AXIN1: variants seen among roughly 807,000 people sequenced by gnomAD.
AXIN1 encodes the protein axin 1.
Under a neutral mutation model 76.4 loss-of-function variants are expected in AXIN1, and 30 were observed. That is an observed-to-expected ratio of 0.39 (90% CI 0.29 to 0.53). AXIN1 has a LOEUF of 0.53. AXIN1 is among the 20% of genes least tolerant of loss of function. AXIN1 has a pLI of 0.66. For missense variants in AXIN1, 1,140 were observed against 1,198.8 expected, an observed-to-expected ratio of 0.95 and a Z score of 0.72; for synonymous variants, 545 against 501.4, an observed-to-expected ratio of 1.09 and a Z score of -1.16.
At chr16:305,541 G>A (rs116236276) in intron 4 of AXIN1, among the ~76,000 whole-genome samples, 4 of 151,474 alleles carry the variant, frequency 2.6e-5, no homozygotes, top group Admixed American at 2.6e-4. Flanking sequence ...TTTGTTTTTG[G>A]TTTTTTTTGT....
intron 4 of AXIN1, among the ~76,000 whole-genome samples, chr16:309,492 T>C (rs2053118151): frequency 6.6e-6 from 1 of 152,144 alleles, no homozygotes; most frequent in South Asian, 2.1e-4. Flanking sequence ...TGCCCGAGAC[T>C]GGGCAAAGGT....
At chr16:326,274 A>G (rs2053576762) in intron 2 of AXIN1, among the ~76,000 whole-genome samples, 1 of 148,848 alleles carries the variant, frequency 6.7e-6, no homozygotes, top group Non-Finnish European at 1.5e-5. Flanking sequence ...GAATCTCTTG[A>G]ACTGGGGAGG....
At chr16:330,964 C>A (rs1006117612) in intron 2 of AXIN1, among the ~76,000 whole-genome samples, 6 of 152,184 alleles carry the variant, frequency 3.9e-5, no homozygotes. Context: ...AGGGTCTTTA[C>A]AAAGGCCAGC....
chr16:299,565 G>A (rs1567267892), intron 5 of AXIN1, among the ~76,000 whole-genome samples: 1 of 152,090 alleles, frequency 6.6e-6, no homozygotes, highest in Non-Finnish European at 1.5e-5. Context: ...ATGTTGGCCA[G>A]GCTGGTCTCA....
At chr16:339,183 G>A (rs2053864203) in intron 2 of AXIN1, among the ~76,000 whole-genome samples, 1 of 118,552 alleles carries the variant, frequency 8.4e-6, no homozygotes, top group Non-Finnish European at 1.6e-5. Context: ...TTCAAAACCA[G>A]CCAGCCTGGT....
intron 1 of AXIN1, among the ~76,000 whole-genome samples, chr16:350,731 C>T (rs899900938): frequency 6.6e-6 from 1 of 152,184 alleles, no homozygotes; most frequent in East Asian, 1.9e-4. Context: ...GTCTGCTTAG[C>T]TTTTCTGAAA....
rs562185428 is a variant in AXIN1, at chr16:289,526, T to C, written c.2376A>G (p.Glu792=). ...TCACCAGGGTGCGGTAGGGGATGGG[T>C]TCCCCGCAGAAGTAGTACGCCACAA... ...SIVVAYYFCG[E]PIPYRTLVRG... Residue 792 remains glutamate (E), a synonymous_variant, in exon 10 of 11, where the codon GAA becomes GAG. Coordinates refer to ENST00000262320, the MANE Select transcript of AXIN1 (RefSeq NM_003502.4). The C allele has an allele frequency of 8.7e-5, 140 of 1,612,506 alleles. No homozygotes were observed. The highest frequency in any genetic ancestry group is 1.1e-4 in the Non-Finnish European group (133 of 1,179,914).
intron 2 of AXIN1, among the ~76,000 whole-genome samples, chr16:337,852 G>GC (rs2053839133): frequency 6.6e-6 from 1 of 152,240 alleles, no homozygotes; most frequent in Non-Finnish European, 1.5e-5. Context: ...GCCTCTGGGG[G>GC]CCCCCTGGAC....
At chr16:290,854 G>A (rs993158239) in intron 9 of AXIN1, 10 of 430,130 alleles carry the variant, frequency 2.3e-5, no homozygotes, top group Non-Finnish European at 3.5e-5. Context: ...GGACCGGCCC[G>A]TTCCAAGCCG....
intron 2 of AXIN1, among the ~76,000 whole-genome samples, chr16:322,153 G>T (rs1014209533): frequency 2.4e-4 from 36 of 152,206 alleles, no homozygotes; most frequent in Non-Finnish European, 8.8e-5. Context: ...CCCAGGCAGC[G>T]CATGCCGCAG....
At chr16:311,838 G>A (rs1313842715) in intron 3 of AXIN1, among the ~76,000 whole-genome samples, 12 of 152,156 alleles carry the variant, frequency 7.9e-5, no homozygotes, top group African/African-American at 1.7e-4. Flanking sequence ...GATCCGTGCC[G>A]CACCCAGGGG....
At chr16:298,723 C>A (rs949167761) in intron 5 of AXIN1, among the ~76,000 whole-genome samples, 3 of 151,850 alleles carry the variant, frequency 2.0e-5, no homozygotes, top group Non-Finnish European at 4.4e-5. Flanking sequence ...ATTGGCCAGG[C>A]TGGTCTCGAA....
chr16:320,930 A>G (rs931387291), intron 2 of AXIN1, among the ~76,000 whole-genome samples: 51 of 151,776 alleles, frequency 3.4e-4, no homozygotes, highest in East Asian at 9.7e-4. Context: ...AGTAGAGACA[A>G]GGTTTCGCCG....
rs763992420 is a variant in AXIN1 at position 288,129 on chromosome 16, A to G, written c.2582T>C (p.Val861Ala). ...GGCCAGCCCACCAGCCTATCAGTCC[A>G]CCTTCTCCACTTTGCCGATGATCTT... is the stretch of plus-strand genomic sequence containing the variant. ...EEKIIGKVEK[V>A]D Residue 861 changes from valine to alanine, a missense_variant, in exon 11 of 11, where the codon GTG (valine) becomes GCG (alanine). Physicochemically the swap from Val to Ala is moderately conservative, Grantham distance 64 (BLOSUM62 0). Coordinates refer to ENST00000262320, the MANE Select transcript of AXIN1 (RefSeq NM_003502.4). 1.9e-6 allele frequency: 3 copies of G among 1,613,328 alleles called. No individual in the cohort carries two copies. Among genetic ancestry groups the G allele is most frequent in the Non-Finnish European group, 2.5e-6 (3 of 1,179,980 alleles).
intron 7 of AXIN1, among the ~76,000 whole-genome samples, chr16:295,748 G>T (rs1011567966): frequency 6.6e-6 from 1 of 151,514 alleles, no homozygotes; most frequent in Non-Finnish European, 1.5e-5. Flanking sequence ...GATCACCAAA[G>T]GTTGGGAGTT....
chr16:333,593 GA>G (rs1458784198), intron 2 of AXIN1, among the ~76,000 whole-genome samples: 1 of 151,988 alleles, frequency 6.6e-6, no homozygotes, highest in Non-Finnish European at 1.5e-5. Flanking sequence ...CTGGAGGGAA[GA>G]AAAAAAGCAC....
rs770473080 is a variant in AXIN1 at position 293,472 on chromosome 16, C to G, written c.2186+16G>C. 6.2e-7 allele frequency: 1 copy of G among 1,606,788 alleles called. No homozygotes were observed. Among genetic ancestry groups the G allele is most frequent in the Non-Finnish European group, 8.5e-7 (1 of 1,179,350 alleles). On this transcript the variant is annotated intron_variant, in intron 8 of 10. Transcript: ENST00000262320. This position sits in a 1 kb window ranked among gnomAD's most constrained non-coding sequence, Gnocchi z 4.6. ...GTAACCCCCAAGACCCACCCCACCC[C>G]ACGACGCGGCCGTACCTCTGCTTGG...
chr16:288,407 A>C, intron 10 of AXIN1, 159 bp from the exon 11 acceptor site: 2 of 1,092,100 alleles, frequency 1.8e-6, no homozygotes, highest in South Asian at 2.8e-5. Context: ...GGCAACAGTG[A>C]ACAGTGCAAT....
At chr16:329,717 A>G (rs1337449556) in intron 2 of AXIN1, among the ~76,000 whole-genome samples, 7 of 147,000 alleles carry the variant, frequency 4.8e-5, no homozygotes, top group Non-Finnish European at 7.5e-5. Flanking sequence ...TCCGCCTCCC[A>G]GGTTCACGCC....
Sources: allele counts gnomAD v4.1 joint callset (sites outside exome capture counted in the v4.1 genomes callset), GRCh38; gene constraint gnomAD v4.1.1; non-coding constraint Gnocchi (gnomAD v3.1); transcripts MANE v1.5; gene names NCBI Gene and HGNC (gene_info 2026-07-23, HGNC 2026-07-21).